Variants in PRKACB observed in about 807,000 individuals in gnomAD.
PRKACB encodes the protein cAMP-dependent protein kinase catalytic subunit beta.
Under a neutral mutation model 51.4 loss-of-function variants are expected in PRKACB, and 16 were observed. The ratio of observed to expected loss-of-function variants is 0.31; its 90% confidence interval spans 0.21 to 0.47. The LOEUF (loss-of-function observed/expected upper bound fraction) is 0.47. Ranked by LOEUF, PRKACB falls within the 20% of genes least tolerant of loss-of-function variation. PRKACB has a pLI of 1.00. For missense variants in PRKACB, 309 were observed against 464.5 expected, an observed-to-expected ratio of 0.67 and a Z score of 3.08; for synonymous variants, 147 against 154.4, an observed-to-expected ratio of 0.95 and a Z score of 0.35.
intron 8 of PRKACB, chr1:84,204,415 G>C: frequency 7.9e-7 from 1 of 1,260,258 alleles, no homozygotes; most frequent in Non-Finnish European, 1.2e-6. Flanking sequence ...TATCACTGCT[G>C]TTCTTCTTAC....
chr1:84,170,414 C>A (rs1251203657), intron 1 of PRKACB, among the ~76,000 whole-genome samples: 3 of 151,556 alleles, frequency 2.0e-5, no homozygotes, highest in Non-Finnish European at 4.4e-5. Flanking sequence ...GTGTAGGATG[C>A]CTCTCCTGAG....
chr1:84,234,657 G>T (rs889753999), intron 9 of PRKACB, among the ~76,000 whole-genome samples: 2 of 152,216 alleles, frequency 1.3e-5, no homozygotes, highest in African/African-American at 2.4e-5. Context: ...GCAGTATTCG[G>T]GTGGGAGTGA....
At chr1:84,082,556 TA>T (rs1200055994) in intron 1 of PRKACB, among the ~76,000 whole-genome samples, 10 of 152,038 alleles carry the variant, frequency 6.6e-5, no homozygotes, top group South Asian at 2.1e-4. Context: ...CAATAGTTGA[TA>T]AAAAAAATTA....
rs369887968 is a variant in PRKACB, at chr1:84,214,150, T to C, written c.907-3T>C. On this transcript the variant is annotated splice_polypyrimidine_tract_variant and splice_region_variant and intron_variant, in intron 8 of 9. Coordinates refer to ENST00000370685, the MANE Select transcript of PRKACB (RefSeq NM_182948.4). The stretch of plus-strand genomic sequence containing the variant: ...TGTTTTACCAAATGGTGTGTTTGTG[T>C]AGGTCCGATTCCCATCCCACTTCAG... The C allele has an allele frequency of 6.2e-7, 1 of 1,604,574 alleles. No individual in the cohort carries two copies. Among genetic ancestry groups the C allele is most frequent in the African/African-American group, 1.3e-5 (1 of 74,354 alleles).
At chr1:84,158,480 T>C (rs1475435906) in intron 1 of PRKACB, among the ~76,000 whole-genome samples, 1 of 152,198 alleles carries the variant, frequency 6.6e-6, no homozygotes, top group Non-Finnish European at 1.5e-5. Context: ...TTTGGAGAAA[T>C]GTATTTTCAA....
intron 8 of PRKACB, among the ~76,000 whole-genome samples, chr1:84,207,765 T>C (rs1337399934): frequency 2.0e-5 from 3 of 152,178 alleles, no homozygotes; most frequent in Non-Finnish European, 4.4e-5. Flanking sequence ...AGCAGTAAGA[T>C]TTTTCCCTCC....
chr1:84,158,992 A>G (rs903420184), intron 1 of PRKACB, among the ~76,000 whole-genome samples: 1 of 152,184 alleles, frequency 6.6e-6, no homozygotes, highest in African/African-American at 2.4e-5. Flanking sequence ...CCAGTGAACT[A>G]CATGTCTGTC....
intron 9 of PRKACB, among the ~76,000 whole-genome samples, chr1:84,220,952 C>T (rs568923382): frequency 2.0e-5 from 3 of 152,078 alleles, no homozygotes; most frequent in African/African-American, 4.8e-5. Flanking sequence ...CTGCTGGCCT[C>T]GTAGAATAAG....
At chr1:84,187,167 C>G (rs1243847151) in intron 5 of PRKACB, among the ~76,000 whole-genome samples, 1 of 152,068 alleles carries the variant, frequency 6.6e-6, no homozygotes, top group Non-Finnish European at 1.5e-5. Flanking sequence ...CAGAGAATGC[C>G]AAACTTTGCA....
chr1:84,136,741 A>T (rs1652864781), intron 1 of PRKACB, among the ~76,000 whole-genome samples: 1 of 152,202 alleles, frequency 6.6e-6, no homozygotes, highest in Non-Finnish European at 1.5e-5. Context: ...ACTGCACATT[A>T]TAGCTTCCTT....
chr1:84,151,119 C>T (rs1340634914), intron 1 of PRKACB, among the ~76,000 whole-genome samples: 2 of 152,012 alleles, frequency 1.3e-5, no homozygotes, highest in Non-Finnish European at 2.9e-5. Flanking sequence ...GTAGTCATAC[C>T]TCAGAGATAC....
At chr1:84,184,164 A>G in intron 4 of PRKACB, 29 bp downstream of exon 4, 5 of 1,558,900 alleles carry the variant, frequency 3.2e-6, no homozygotes, top group Non-Finnish European at 4.3e-6. Context: ...TAAATAAGAT[A>G]TTTTCAACCT....
intron 1 of PRKACB, among the ~76,000 whole-genome samples, chr1:84,116,246 G>C (rs189067511): frequency 1.3e-5 from 2 of 152,054 alleles, no homozygotes; most frequent in East Asian, 1.9e-4. Context: ...GGTTATTATA[G>C]CCTTCTAATA....
chr1:84,105,328 A>T (rs1649650121), intron 1 of PRKACB, among the ~76,000 whole-genome samples: 1 of 152,114 alleles, frequency 6.6e-6, no homozygotes, highest in African/African-American at 2.4e-5. Flanking sequence ...TATGGAGAGA[A>T]ACTTTCCTCT....
chr1:84,088,130 G>A (rs1648164439), intron 1 of PRKACB, among the ~76,000 whole-genome samples: 1 of 152,114 alleles, frequency 6.6e-6, no homozygotes, highest in Non-Finnish European at 1.5e-5. Context: ...TAGCATAATT[G>A]GTATTAGTTC....
intron 9 of PRKACB, 47 bp from the exon 10 acceptor site, chr1:84,235,133 G>C: frequency 6.4e-7 from 1 of 1,564,318 alleles, no homozygotes; most frequent in Non-Finnish European, 8.7e-7. Flanking sequence ...AAACTCTCAG[G>C]AATTTTTTTT....
intron 2 of PRKACB, among the ~76,000 whole-genome samples, chr1:84,181,464 G>C (rs1210948318): frequency 6.6e-6 from 1 of 151,888 alleles, no homozygotes; most frequent in African/African-American, 2.4e-5. Context: ...ATTTGCTTCT[G>C]TGCTGTAGTC....
intron 7 of PRKACB, among the ~76,000 whole-genome samples, chr1:84,201,250 G>A (rs1670021858): frequency 6.6e-6 from 1 of 151,884 alleles, no homozygotes; most frequent in Admixed American, 6.6e-5. Flanking sequence ...GATTTCATAG[G>A]CAATAAATTG....
chr1:84,137,626 G>A (rs888033701), intron 1 of PRKACB, among the ~76,000 whole-genome samples: 5 of 152,204 alleles, frequency 3.3e-5, no homozygotes, highest in African/African-American at 1.2e-4. Flanking sequence ...GTTGAAATGT[G>A]TTGACTTAAG....
Sources: gnomAD v4.1 joint callset for allele counts (sites outside exome capture counted in the v4.1 genomes callset) on GRCh38, gnomAD v4.1.1 for gene constraint, MANE v1.5 for transcripts, NCBI Gene and HGNC (gene_info 2026-07-23, HGNC 2026-07-21) for gene names.